The following CREB3L2 variants were observed in gnomAD, a reference collection of about 807,000 sequenced individuals.
The protein encoded by CREB3L2 is cyclic AMP-responsive element-binding protein 3-like protein 2.
Under a neutral mutation model 57.2 loss-of-function variants are expected in CREB3L2, and 23 were observed. The observed-to-expected ratio is 0.40, with a 90% CI of 0.29 to 0.57. The LOEUF (loss-of-function observed/expected upper bound fraction) is 0.57, where lower values mean the gene tolerates loss of function less well. Ranked by LOEUF, CREB3L2 falls within the 20% of genes least tolerant of loss-of-function variation. The pLI, the probability that CREB3L2 is intolerant of heterozygous loss-of-function variation, is 0.42. For missense variants in CREB3L2, 628 were observed against 634.7 expected, an observed-to-expected ratio of 0.99 and a Z score of 0.11; for synonymous variants, 268 against 265.1, an observed-to-expected ratio of 1.01 and a Z score of -0.11.
At chr7:137,956,452 T>G (rs1460869305) in intron 1 of CREB3L2, 2 of 400,256 alleles carry the variant, frequency 5.0e-6, no homozygotes, top group East Asian at 1.5e-4. Context: ...AGTGCAAGTT[T>G]CCAGTAATAG....
rs1799185923 is a variant in CREB3L2 at position 137,877,572 on chromosome 7, TC to T, written c.*2903del. On this transcript the variant is annotated 3_prime_UTR_variant, in exon 12 of 12. Transcript: ENST00000330387. ...TCCAGTGAAAAATTAGTTCTCTGAA[TC>T]TTTGCAAAACATCTCCTTCACTGGT... is the stretch of plus-strand genomic sequence containing the variant. 8.9e-6 allele frequency: 2 copies of T among 225,904 alleles called. No homozygotes were observed. The highest frequency in any genetic ancestry group is 4.5e-5 in the African/African-American group (2 of 44,860). 14.0% of individuals were successfully genotyped at this position (225,904 alleles called of 1,614,324 possible).
In CREB3L2 at chr7:137,990,944, CT is replaced by C. The variant is rs1426927761; in HGVS notation, c.102+10659del. 1.8e-4 allele frequency among the ~76,000 whole-genome samples: 27 copies of C among 151,908 alleles called. 1 individual carries two copies. The highest frequency in any genetic ancestry group is 6.6e-5 in the Admixed American group (1 of 15,246). On this transcript the variant is annotated intron_variant, in intron 1 of 11. Coordinates refer to ENST00000330387, the MANE Select transcript of CREB3L2 (RefSeq NM_194071.4). Reference sequence around the variant, plus strand: ...TTATTTGCCAAGGAGTCTGAAGGGACTTTTTTTTCCAATGTTAAAAAAATGT... The same window carrying C: ...TTATTTGCCAAGGAGTCTGAAGGGACTTTTTTTCCAATGTTAAAAAAATGT...
At chr7:137,883,273 A>T (rs956570906) in intron 10 of CREB3L2, among the ~76,000 whole-genome samples, 4 of 152,246 alleles carry the variant, frequency 2.6e-5, no homozygotes, top group Non-Finnish European at 5.9e-5. Flanking sequence ...CACTTCTGTC[A>T]TACCTGGCAG....
chr7:137,968,814 G>C (rs1801452502), intron 1 of CREB3L2, among the ~76,000 whole-genome samples: 1 of 152,132 alleles, frequency 6.6e-6, no homozygotes, highest in South Asian at 2.1e-4. Flanking sequence ...CAATTTGGTG[G>C]CTCCCACCTT....
chr7:137,907,363 T>C (rs190516574), intron 5 of CREB3L2, among the ~76,000 whole-genome samples: 2 of 152,274 alleles, frequency 1.3e-5, no homozygotes, highest in East Asian at 1.9e-4. Context: ...CACAGGTATA[T>C]AGGATACAAG....
At chr7:137,925,306 T>C (rs1412459289) in intron 2 of CREB3L2, among the ~76,000 whole-genome samples, 7 of 152,190 alleles carry the variant, frequency 4.6e-5, no homozygotes, top group African/African-American at 1.2e-4. Context: ...TTAGAAGCAA[T>C]TGCAGAAGAA....
At chr7:137,936,375 C>T (rs1489709394) in intron 1 of CREB3L2, among the ~76,000 whole-genome samples, 1 of 152,124 alleles carries the variant, frequency 6.6e-6, no homozygotes, top group African/African-American at 2.4e-5. Flanking sequence ...TTCTCTAGTC[C>T]CAGCCTTGCA....
intron 6 of CREB3L2, among the ~76,000 whole-genome samples, chr7:137,904,668 C>CA (rs1224662742): frequency 6.7e-6 from 1 of 149,770 alleles, no homozygotes; most frequent in African/African-American, 2.5e-5. Flanking sequence ...CATCTCAAAA[C>CA]AAAAAACAAA....
intron 1 of CREB3L2, among the ~76,000 whole-genome samples, chr7:137,991,628 C>T (rs954552818): frequency 2.0e-5 from 3 of 152,034 alleles, no homozygotes; most frequent in Non-Finnish European, 4.4e-5. Flanking sequence ...AAGGCACGGC[C>T]GAGCACAGTG....
intron 8 of CREB3L2, among the ~76,000 whole-genome samples, chr7:137,892,045 T>C (rs1799537227): frequency 1.3e-5 from 2 of 152,238 alleles, no homozygotes; most frequent in Admixed American, 1.3e-4. Context: ...CACAGCCTTA[T>C]GGAAGCACCT....
intron 10 of CREB3L2, 183 bp downstream of exon 10, chr7:137,884,812 G>A (rs1303160414): frequency 2.8e-6 from 2 of 718,680 alleles, no homozygotes; most frequent in Non-Finnish European, 4.9e-6. Flanking sequence ...TCCCAGTGAT[G>A]CCGCAGTCCA....
Position 138,001,518 on chromosome 7 carries a change from C to T in CREB3L2, c.102+86G>A, listed in dbSNP as rs937735785. On this transcript the variant is annotated intron_variant, in intron 1 of 11. Transcript: ENST00000330387. The surrounding 1 kb of genome is among the most constrained non-coding windows in gnomAD (Gnocchi z 4.2). ...CATGCCCTGCCCCAAACCCTGCCTT[C>T]CCGGGTCCCAGGACTCCAGCTGCTC... The T allele has an allele frequency of 7.1e-5, 72 of 1,011,202 alleles. No homozygotes were observed. The highest frequency in any genetic ancestry group is 1.0e-4 in the Non-Finnish European group (68 of 676,612). 62.6% of individuals were successfully genotyped at this position (1,011,202 alleles called of 1,614,324 possible). A position where few individuals can be genotyped will look rare whatever the true frequency, so the allele number is the denominator to read the frequency against.
intron 8 of CREB3L2, among the ~76,000 whole-genome samples, chr7:137,892,496 A>G (rs1799546688): frequency 6.6e-6 from 1 of 152,010 alleles, no homozygotes; most frequent in African/African-American, 2.4e-5. Flanking sequence ...ACTAAAATAT[A>G]AAAATTAGCC....
intron 1 of CREB3L2, among the ~76,000 whole-genome samples, chr7:137,960,524 C>A (rs1296368723): frequency 6.6e-6 from 1 of 152,066 alleles, no homozygotes; most frequent in Non-Finnish European, 1.5e-5. Flanking sequence ...CTTTCCAAGG[C>A]TTAGAGAGAG....
chr7:137,885,653 A>T, intron 8 of CREB3L2, 151 bp from the exon 9 acceptor site: 1 of 667,760 alleles, frequency 1.5e-6, no homozygotes, highest in Non-Finnish European at 2.7e-6. Context: ...AGATACGAAC[A>T]CCAGTACCTT....
At chr7:137,973,531 A>C (rs568586045) in intron 1 of CREB3L2, among the ~76,000 whole-genome samples, 1 of 152,226 alleles carries the variant, frequency 6.6e-6, no homozygotes, top group Non-Finnish European at 1.5e-5. Context: ...AGTAGCAAAA[A>C]GGTAACAAGA....
At position 137,905,797 on chromosome 7, in the gene CREB3L2, G is replaced by A. The variant is rs112720042; in HGVS notation, c.820C>T (p.Leu274=). 7,839 of 1,614,112 alleles carry A rather than the reference G, an allele frequency of 4.9e-3. 245 individuals are homozygous for A. The African/African-American group carries it at 0.077, about 16-fold the overall frequency. The change falls in exon 6 of 12, where the codon CTG becomes TTG. Residue 274 remains leucine (L), a synonymous_variant. Coordinates refer to ENST00000330387, the MANE Select transcript of CREB3L2 (RefSeq NM_194071.4). ...LVLTEEEKRT[L]IAEGYPIPTK... is the part of the protein sequence containing the mutation. ...GGGATGGGATAGCCCTCAGCGATCA[G>A]GGTCCTCTTCTCCTCCTCTGTCAGG...
chr7:137,895,642 CAA>C (rs759902698), intron 8 of CREB3L2, among the ~76,000 whole-genome samples: 2 of 111,922 alleles, frequency 1.8e-5, no homozygotes, highest in African/African-American at 3.7e-5. Context: ...GAGTCCAGTA[CAA>C]AAAAAAAAAG....
At chr7:137,975,090 T>C (rs1801582865) in intron 1 of CREB3L2, among the ~76,000 whole-genome samples, 1 of 152,228 alleles carries the variant, frequency 6.6e-6, no homozygotes, top group Admixed American at 6.5e-5. Flanking sequence ...ATAAGGTATA[T>C]GAATATCTTT....
Sources: allele counts gnomAD v4.1 joint callset (sites outside exome capture counted in the v4.1 genomes callset), GRCh38; gene constraint gnomAD v4.1.1; non-coding constraint Gnocchi (gnomAD v3.1); transcripts MANE v1.5; gene names NCBI Gene and HGNC (gene_info 2026-07-23, HGNC 2026-07-21).